Variants in GRIK2 observed in about 807,000 individuals in gnomAD.
GRIK2 encodes glutamate receptor ionotropic, kainate 2.
In GRIK2, 32 loss-of-function variants were observed where a neutral mutation model predicts 100.3. The observed-to-expected ratio is 0.32, with a 90% confidence interval of 0.24 to 0.43. GRIK2 has a LOEUF of 0.43. GRIK2 is among the 20% of genes least tolerant of loss of function. The pLI, the probability that GRIK2 is intolerant of heterozygous loss-of-function variation, is 1.00. For synonymous variants in GRIK2, 417 were observed against 389.4 expected (o/e 1.07, Z -0.83); for missense variants, 843 against 1,114.9 (o/e 0.76, Z 3.47).
intron 14 of GRIK2, among the ~76,000 whole-genome samples, chr6:102,014,657 G>T (rs1012271818): frequency 1.3e-5 from 2 of 152,092 alleles, no homozygotes; most frequent in African/African-American, 4.8e-5. Context: ...TCATTTCAAA[G>T]AACTTCTTGA....
chr6:101,502,235 A>G (rs1213455491), intron 2 of GRIK2, among the ~76,000 whole-genome samples: 1 of 152,190 alleles, frequency 6.6e-6, no homozygotes, highest in Non-Finnish European at 1.5e-5. Flanking sequence ...ACCACCTAAT[A>G]CATATTGAAA....
At chr6:101,888,249 C>A (rs1422633828) in intron 11 of GRIK2, among the ~76,000 whole-genome samples, 2 of 152,066 alleles carry the variant, frequency 1.3e-5, no homozygotes, top group African/African-American at 4.8e-5. Context: ...GACTTTATAT[C>A]CTGGTTCCAA....
intron 2 of GRIK2, among the ~76,000 whole-genome samples, chr6:101,586,192 T>C (rs967540671): frequency 5.3e-5 from 8 of 151,718 alleles, no homozygotes; most frequent in Non-Finnish European, 1.2e-4. Context: ...CTGAAACGCC[T>C]GCATAAAGCC....
chr6:101,927,248 A>G, intron 13 of GRIK2: 2 of 270,358 alleles, frequency 7.4e-6, no homozygotes, highest in Non-Finnish European at 1.1e-5. Context: ...CTTATTTTTC[A>G]AGCTTCACAT....
At chr6:102,025,229 T>C (rs1769629363) in intron 14 of GRIK2, among the ~76,000 whole-genome samples, 1 of 151,242 alleles carries the variant, frequency 6.6e-6, no homozygotes, top group South Asian at 2.1e-4. Flanking sequence ...AATAAGTATC[T>C]ATTGATATCT....
At chr6:101,740,491 G>A (rs1341252789) in intron 7 of GRIK2, among the ~76,000 whole-genome samples, 2 of 152,154 alleles carry the variant, frequency 1.3e-5, no homozygotes, top group Admixed American at 1.3e-4. Flanking sequence ...TTGTGTAGTG[G>A]TTATTTTCAC....
intron 7 of GRIK2, among the ~76,000 whole-genome samples, chr6:101,782,219 T>C (rs115127005): frequency 0.032 from 4,889 of 152,308 alleles, 140 homozygotes; most frequent in African/African-American, 0.078. Context: ...AATCCTCTCT[T>C]CTAGCTATTT....
chr6:101,818,390 C>A lies in GRIK2; in HGVS notation c.1224C>A (p.Ala408=). 2.5e-6 allele frequency: 4 copies of A among 1,604,226 alleles called. No homozygotes were observed. Among genetic ancestry groups the A allele is most frequent in the Non-Finnish European group, 3.4e-6 (4 of 1,171,118 alleles). ...GLEKIGTWDP[A]SGLNMTESQK... is the part of the protein sequence containing the mutation. ...TATAGATTGGAACGTGGGATCCAGC[C>A]AGTGGCCTGAATATGACAGAAAGTC... Residue 408 remains alanine (A), a synonymous_variant, in exon 10 of 17, where the codon GCC becomes GCA. Transcript: ENST00000369134.
At chr6:101,971,996 T>G (rs1159011560) in intron 14 of GRIK2, among the ~76,000 whole-genome samples, 1 of 152,008 alleles carries the variant, frequency 6.6e-6, no homozygotes, top group Non-Finnish European at 1.5e-5. Context: ...TGTTCCACCA[T>G]TGATTGGCAT....
chr6:101,508,816 T>C (rs185041610), intron 2 of GRIK2, among the ~76,000 whole-genome samples: 2 of 152,304 alleles, frequency 1.3e-5, no homozygotes, highest in East Asian at 3.9e-4. Flanking sequence ...TTTAGGACTT[T>C]AGGTAAATTA....
intron 7 of GRIK2, among the ~76,000 whole-genome samples, chr6:101,714,192 C>CT (rs905676983): frequency 1.4e-4 from 21 of 151,398 alleles, no homozygotes; most frequent in African/African-American, 3.6e-4. Context: ...TTGTAAAGTT[C>CT]TTTTTTTTGT....
At chr6:101,509,584 T>C (rs751510391) in intron 2 of GRIK2, among the ~76,000 whole-genome samples, 18 of 152,202 alleles carry the variant, frequency 1.2e-4, no homozygotes, top group Non-Finnish European at 2.1e-4. Flanking sequence ...TTCTCTAGTC[T>C]GGGATGGAAT....
intron 2 of GRIK2, among the ~76,000 whole-genome samples, chr6:101,464,231 A>G (rs1252395957): frequency 3.9e-5 from 6 of 152,174 alleles, no homozygotes; most frequent in Non-Finnish European, 7.3e-5. Flanking sequence ...TATCTGGAAG[A>G]TTAGATATCC....
At chr6:101,548,580 C>G (rs549002437) in intron 2 of GRIK2, among the ~76,000 whole-genome samples, 12 of 152,292 alleles carry the variant, frequency 7.9e-5, no homozygotes, top group Admixed American at 2.6e-4. Flanking sequence ...AATAGGGAAT[C>G]CTTTCCTCGT....
chr6:101,525,705 C>A (rs1775116395), intron 2 of GRIK2, among the ~76,000 whole-genome samples: 2 of 152,080 alleles, frequency 1.3e-5, no homozygotes, highest in South Asian at 4.1e-4. Context: ...TTTCACAGCC[C>A]CCACTTTATA....
chr6:101,526,612 T>C (rs1452039649), intron 2 of GRIK2, among the ~76,000 whole-genome samples: 1 of 152,176 alleles, frequency 6.6e-6, no homozygotes, highest in East Asian at 1.9e-4. Flanking sequence ...CATTTTCCTC[T>C]AAATGGGTGA....
chr6:101,422,279 T>A (rs1016445043), intron 2 of GRIK2, among the ~76,000 whole-genome samples: 1 of 152,168 alleles, frequency 6.6e-6, no homozygotes, highest in African/African-American at 2.4e-5. Context: ...ATGAAATCAA[T>A]GCAAGCTGCT....
At chr6:101,870,571 C>T (rs1338480924) in intron 11 of GRIK2, among the ~76,000 whole-genome samples, 1 of 151,754 alleles carries the variant, frequency 6.6e-6, no homozygotes, top group East Asian at 1.9e-4. Context: ...TCAAGATGGT[C>T]AATAAATATC....
chr6:101,530,036 T>C (rs1775354173), intron 2 of GRIK2, among the ~76,000 whole-genome samples: 1 of 152,034 alleles, frequency 6.6e-6, no homozygotes, highest in South Asian at 2.1e-4. Flanking sequence ...GTTTGACTTT[T>C]TAGGATGGAC....
Sources: allele counts gnomAD v4.1 joint callset (sites outside exome capture counted in the v4.1 genomes callset), GRCh38; gene constraint gnomAD v4.1.1; transcripts MANE v1.5; gene names NCBI Gene and HGNC (gene_info 2026-07-23, HGNC 2026-07-21).